The following OSBPL9 variants were observed in gnomAD, a reference collection of about 807,000 sequenced individuals.
OSBPL9 encodes oxysterol binding protein like 9, also known as oxysterol-binding protein-related protein 9.
A neutral mutation model predicts 106.6 loss-of-function variants in OSBPL9; 40 were observed. The ratio of observed to expected loss-of-function variants is 0.38; its 90% CI spans 0.29 to 0.49. The LOEUF is 0.49. OSBPL9 is among the 20% of genes least tolerant of loss of function. The pLI, the probability that OSBPL9 is intolerant of heterozygous loss-of-function variation, is 0.97. For synonymous variants in OSBPL9, 269 were observed against 295.4 expected, an observed-to-expected ratio of 0.91 and a Z score of 0.92; for missense variants, 609 against 887.2, an observed-to-expected ratio of 0.69 and a Z score of 3.98.
chr1:51,718,406 T>A (rs1661463343), intron 4 of OSBPL9, among the ~76,000 whole-genome samples: 1 of 152,232 alleles, frequency 6.6e-6, no homozygotes, highest in African/African-American at 2.4e-5. Flanking sequence ...CTATTTACCC[T>A]GATGTGATTA....
intron 2 of OSBPL9, among the ~76,000 whole-genome samples, chr1:51,604,429 G>A (rs920503579): frequency 2.6e-5 from 4 of 151,728 alleles, no homozygotes; most frequent in Non-Finnish European, 5.9e-5. Flanking sequence ...GGTGGTGGGC[G>A]CCTGTAATCC....
chr1:51,781,086 G>T, intron 15 of OSBPL9, 78 bp from the exon 16 acceptor site: 1 of 1,414,050 alleles, frequency 7.1e-7, no homozygotes, highest in Non-Finnish European at 9.8e-7. Flanking sequence ...GACTTAGGTG[G>T]ACCATGCTGG....
At chr1:51,761,770 T>C (rs1041556383) in intron 10 of OSBPL9, 97 bp from the exon 11 acceptor site, 2 of 919,434 alleles carry the variant, frequency 2.2e-6, no homozygotes, top group African/African-American at 1.6e-5. Flanking sequence ...TTTCAAAAAT[T>C]ACTGGCCTTT....
chr1:51,758,993 A>T (rs1306626775), intron 9 of OSBPL9, among the ~76,000 whole-genome samples: 1 of 152,154 alleles, frequency 6.6e-6, no homozygotes, highest in African/African-American at 2.4e-5. Flanking sequence ...GCAGACCGGG[A>T]AACTGAGGCC....
rs903281523 is a variant in OSBPL9, at chr1:51,756,153, G to A, written c.544-167G>A. On this transcript the variant is annotated intron_variant, in intron 8 of 23. Coordinates refer to ENST00000428468, the MANE Select transcript of OSBPL9 (RefSeq NM_024586.6). ...TTGTTGTGTAGCCAGAGTTAGAATT[G>A]TGTTTGGCTAAGAATGTACACATGG... Among the ~76,000 whole-genome samples, 59 of 152,292 alleles carry A rather than the reference G, an allele frequency of 3.9e-4. 1 individual carries two copies. Among genetic ancestry groups the A allele is most frequent in the African/African-American group, 1.4e-3 (58 of 41,572 alleles).
At chr1:51,530,170 C>CAAAAAAAAAAAAAACA in the OSBPL9 span, among the ~76,000 whole-genome samples, 22 of 11,032 alleles carry the variant, frequency 2.0e-3, 1 homozygote, top group Non-Finnish European at 2.8e-3. Context: ...GACTCTGTCT[C>CAAAAAAAAAAAAAACA]AAAAAAAAAA....
intron 3 of OSBPL9, among the ~76,000 whole-genome samples, chr1:51,711,461 GGCTGA>G: frequency 8.1e-6 from 1 of 124,204 alleles, no homozygotes. Flanking sequence ...CCGGGCGGGG[GGCTGA>G]CCCCCCCACC....
intron 4 of OSBPL9, among the ~76,000 whole-genome samples, chr1:51,737,839 C>T (rs1011201860): frequency 3.3e-5 from 5 of 151,860 alleles, no homozygotes; most frequent in Non-Finnish European, 7.4e-5. Flanking sequence ...TTTTATATGC[C>T]TTTCATAACA....
chr1:51,520,460 T>A, the OSBPL9 span, among the ~76,000 whole-genome samples: 1 of 152,230 alleles, frequency 6.6e-6, no homozygotes, highest in East Asian at 1.9e-4. Context: ...TCTGTAAGCG[T>A]TAGTTGAGGG....
intron 3 of OSBPL9, among the ~76,000 whole-genome samples, chr1:51,704,347 C>G (rs1339736232): frequency 1.3e-5 from 2 of 152,194 alleles, no homozygotes; most frequent in Admixed American, 1.3e-4. Flanking sequence ...AGAGATTCAA[C>G]TTCTTCCTGG....
intron 2 of OSBPL9, among the ~76,000 whole-genome samples, chr1:51,606,983 G>C (rs1490614197): frequency 6.6e-6 from 1 of 151,760 alleles, no homozygotes; most frequent in East Asian, 1.9e-4. Context: ...CCGGGAGGCG[G>C]AGCTTGCAGT....
intron 1 of OSBPL9, among the ~76,000 whole-genome samples, chr1:51,620,282 G>A (rs1644346423): frequency 6.6e-6 from 1 of 152,192 alleles, no homozygotes; most frequent in Non-Finnish European, 1.5e-5. Context: ...GGAATTGGAA[G>A]TTTAGAAAGA....
In OSBPL9 at chr1:51,746,457, A is replaced by G. The variant is rs552786809; in HGVS notation, c.415-253A>G. Among the ~76,000 whole-genome samples the G allele has an allele frequency of 6.6e-5, 10 of 152,360 alleles. No homozygotes were observed. In the East Asian group the frequency reaches 1.9e-3, roughly 29 times the overall value. ...GTTTGAATTCATAGTTTAATTTTTT[A>G]AAAGTCATCTGTTTTCTTTTGCTTA... On this transcript the variant is annotated intron_variant, in intron 5 of 23. Coordinates refer to ENST00000428468, the MANE Select transcript of OSBPL9 (RefSeq NM_024586.6).
At chr1:51,705,413 T>A (rs1298180131) in intron 3 of OSBPL9, among the ~76,000 whole-genome samples, 84 of 109,388 alleles carry the variant, frequency 7.7e-4, no homozygotes, top group South Asian at 2.1e-3. Context: ...TTTTTTTTTT[T>A]TTTTTTTTTT....
chr1:51,611,084 A>C (rs1643983932), intron 2 of OSBPL9, among the ~76,000 whole-genome samples: 1 of 152,230 alleles, frequency 6.6e-6, no homozygotes, highest in Admixed American at 6.5e-5. Flanking sequence ...AGGAGAAGAC[A>C]AAAGATCAGT....
upstream of OSBPL9, among the ~76,000 whole-genome samples, chr1:51,613,580 A>G (rs1309346962): frequency 6.6e-6 from 1 of 152,206 alleles, no homozygotes; most frequent in African/African-American, 2.4e-5. Flanking sequence ...TCCCTGGCAT[A>G]GGGTAGATAA....
chr1:51,617,226 G>A lies in OSBPL9; in HGVS notation c.111+5G>A, dbSNP rs913988618. On this transcript the variant is annotated splice_donor_5th_base_variant and intron_variant, in intron 1 of 23. Transcript: ENST00000428468. ...GGACTGCTCTCCTACTACACGGTGAGTCCTTGGAGGGCACAGCTCCAGGCG... is the reference window on the plus strand; with the variant it reads ...GGACTGCTCTCCTACTACACGGTGAATCCTTGGAGGGCACAGCTCCAGGCG... The A allele has an allele frequency of 1.2e-6, 2 of 1,606,100 alleles. No homozygotes were observed. The highest frequency in any genetic ancestry group is 3.4e-5 in the Admixed American group (2 of 59,048).
chr1:51,570,414 C>T, the OSBPL9 span, among the ~76,000 whole-genome samples: 2 of 152,166 alleles, frequency 1.3e-5, no homozygotes, highest in African/African-American at 4.8e-5. Context: ...ATTCTAGAGC[C>T]CCCATCTTCA....
chr1:51,570,829 C>CT, the OSBPL9 span, among the ~76,000 whole-genome samples: 34 of 147,274 alleles, frequency 2.3e-4, no homozygotes, highest in South Asian at 8.6e-4. Flanking sequence ...GGTGAGGTTC[C>CT]TTTTTTTTTT....
Sources: gnomAD v4.1 joint callset for allele counts (sites outside exome capture counted in the v4.1 genomes callset) on GRCh38, gnomAD v4.1.1 for gene constraint, MANE v1.5 for transcripts, NCBI Gene and HGNC (gene_info 2026-07-23, HGNC 2026-07-21) for gene names.